TENM1: variants seen among roughly 807,000 people sequenced by gnomAD.
TENM1 encodes the protein teneurin transmembrane protein 1.
In TENM1, 35 loss-of-function variants were observed where a neutral mutation model predicts 174.8. The ratio of observed to expected loss-of-function variants is 0.20; its 90% CI spans 0.15 to 0.27. TENM1 has a LOEUF of 0.27. Among genes scored for constraint, TENM1 ranks in the 10% least tolerant of loss-of-function variants. The probability of loss-of-function intolerance (pLI) is 1.00; values close to 1 mark genes in which losing one functional copy is unlikely to be tolerated. For synonymous variants in TENM1, 781 were observed against 798.7 expected, an observed-to-expected ratio of 0.98 and a Z score of 0.37; for missense variants, 1,633 against 2,130.1, an observed-to-expected ratio of 0.77 and a Z score of 4.59.
At chrX:125,111,402 C>T in the TENM1 span, among the ~76,000 whole-genome samples, 2 of 110,392 alleles carry the variant, frequency 1.8e-5, no homozygotes, top group Non-Finnish European at 3.8e-5. Flanking sequence ...CACAGTGAGA[C>T]CTCGTTTCTA....
intron 25 of TENM1, among the ~76,000 whole-genome samples, chrX:124,408,792 T>A (rs1233065001): frequency 1.0e-5 from 1 of 100,332 alleles, no homozygotes; most frequent in East Asian, 3.3e-4. Flanking sequence ...TAACATTAGG[T>A]GTATCTCCTA....
intron 22 of TENM1, among the ~76,000 whole-genome samples, chrX:124,471,354 T>C: frequency 2.5e-5 from 1 of 39,582 alleles, no homozygotes; most frequent in Non-Finnish European, 4.0e-5. Flanking sequence ...ATATATATTA[T>C]AATATATAGT....
chrX:124,565,917 C>G (rs984637905), intron 11 of TENM1, among the ~76,000 whole-genome samples: 1 of 112,082 alleles, frequency 8.9e-6, no homozygotes, highest in Non-Finnish European at 1.9e-5. Context: ...GTAGTTAAGT[C>G]TCTAAGAATA....
At chrX:124,777,554 T>C (rs2148632384) in intron 3 of TENM1, among the ~76,000 whole-genome samples, 1 of 112,186 alleles carries the variant, frequency 8.9e-6, no homozygotes, top group East Asian at 2.8e-4. Context: ...TCTCTTCCAT[T>C]ATTCAGTCTA....
chrX:124,647,881 T>C (rs2051202767), intron 8 of TENM1, among the ~76,000 whole-genome samples: 1 of 111,508 alleles, frequency 9.0e-6, no homozygotes, highest in South Asian at 3.8e-4. Context: ...TACCATTTTT[T>C]CCCTTTTCAA....
At chrX:124,780,269 G>A (rs757368967) in intron 3 of TENM1, among the ~76,000 whole-genome samples, 2 of 112,114 alleles carry the variant, frequency 1.8e-5, no homozygotes, top group South Asian at 3.7e-4. Context: ...GGACCAAAGC[G>A]TGCTTATACA....
intron 23 of TENM1, among the ~76,000 whole-genome samples, chrX:124,450,524 GCA>G (rs1481038420): frequency 9.0e-6 from 1 of 111,265 alleles, no homozygotes; most frequent in Non-Finnish European, 1.9e-5. Context: ...TTTGTAAGTT[GCA>G]CAGTCTTGGG....
At chrX:124,383,950 T>C (rs1472266553) in exon 30 of TENM1, 15 of 1,211,072 alleles carry the variant, frequency 1.2e-5, no homozygotes, top group Non-Finnish European at 1.7e-5. Flanking sequence ...GTGGGGTACC[T>C]GTATTATCAC....
intron 3 of TENM1, among the ~76,000 whole-genome samples, chrX:124,851,697 T>A (rs759810607): frequency 9.0e-6 from 1 of 111,033 alleles, no homozygotes; most frequent in East Asian, 2.9e-4. Context: ...TCCAACCCCA[T>A]GAAGTAATCC....
At chrX:124,651,855 C>T in intron 8 of TENM1, 59 bp downstream of exon 11, 3 of 1,174,167 alleles carry the variant, frequency 2.6e-6, no homozygotes, top group Non-Finnish European at 3.4e-6. Context: ...ACTGTCATCA[C>T]TGATTGTGTC....
At chrX:124,729,613 T>A (rs148991926) in intron 4 of TENM1, among the ~76,000 whole-genome samples, 42 of 112,113 alleles carry the variant, frequency 3.7e-4, no homozygotes, top group African/African-American at 1.4e-3. Flanking sequence ...GAAGAAGGCT[T>A]GGAGAAGGAG....
intron 18 of TENM1, among the ~76,000 whole-genome samples, chrX:124,509,812 C>T (rs1436830634): frequency 9.3e-6 from 1 of 107,235 alleles, no homozygotes; most frequent in African/African-American, 3.4e-5. Flanking sequence ...CCTCCACCTC[C>T]CAGGTTCAAG....
intron 23 of TENM1, among the ~76,000 whole-genome samples, chrX:124,425,027 A>C (rs2060695285): frequency 9.0e-6 from 1 of 111,679 alleles, no homozygotes; most frequent in Admixed American, 9.5e-5. Flanking sequence ...AGAATGGATT[A>C]ATACGGTGTC....
intron 27 of TENM1, among the ~76,000 whole-genome samples, chrX:124,392,595 G>C (rs1447095759): frequency 1.8e-5 from 2 of 111,743 alleles, no homozygotes; most frequent in Non-Finnish European, 3.8e-5. Context: ...GTTGTTGATT[G>C]CTTTTTCCCC....
At chrX:124,514,886 G>C (rs1005137903) in intron 18 of TENM1, among the ~76,000 whole-genome samples, 1 of 110,158 alleles carries the variant, frequency 9.1e-6, no homozygotes, top group Non-Finnish European at 1.9e-5. Context: ...ACCTGGCAGA[G>C]ACACAACAGA....
At chrX:124,600,449 T>A (rs2050003420) in intron 11 of TENM1, among the ~76,000 whole-genome samples, 1 of 111,556 alleles carries the variant, frequency 9.0e-6, no homozygotes, top group South Asian at 3.7e-4. Context: ...AATTAATAAA[T>A]TGAAAGTTTG....
At chrX:125,126,750 T>G in the TENM1 span, among the ~76,000 whole-genome samples, 1 of 111,242 alleles carries the variant, frequency 9.0e-6, no homozygotes, top group Non-Finnish European at 1.9e-5. Flanking sequence ...TTCTGGGAAT[T>G]AAGTCCCAGA....
intron 3 of TENM1, among the ~76,000 whole-genome samples, chrX:124,802,444 T>C (rs2055480071): frequency 9.0e-6 from 1 of 111,535 alleles, no homozygotes; most frequent in Non-Finnish European, 1.9e-5. Context: ...GAGATGTCAC[T>C]CGAGGAGGCT....
intron 11 of TENM1, among the ~76,000 whole-genome samples, chrX:124,583,304 A>G (rs1223930488): frequency 9.0e-5 from 10 of 111,418 alleles, no homozygotes; most frequent in African/African-American, 2.9e-4. Context: ...GCAGACTGAC[A>G]TCTCACACGG....
Sources: allele counts gnomAD v4.1 joint callset (sites outside exome capture counted in the v4.1 genomes callset), GRCh38; gene constraint gnomAD v4.1.1; transcripts MANE v1.5; gene names NCBI Gene and HGNC (gene_info 2026-07-23, HGNC 2026-07-21).